RBFOX1: variants seen among roughly 807,000 people sequenced by gnomAD.
The protein encoded by RBFOX1 is RNA binding fox-1 homolog 1.
A neutral mutation model predicts 57.7 loss-of-function variants in RBFOX1; 8 were observed. That is an observed-to-expected ratio of 0.14 (90% CI 0.08 to 0.25). The LOEUF (loss-of-function observed/expected upper bound fraction) is 0.25, where lower values mean the gene tolerates loss of function less well. Ranked by LOEUF, RBFOX1 falls within the 10% of genes least tolerant of loss-of-function variation. RBFOX1 has a pLI of 1.00. For synonymous variants in RBFOX1, 326 were observed against 222.4 expected (o/e 1.47, Z -4.15); for missense variants, 611 against 548.5 (o/e 1.11, Z -1.14).
intron 1 of RBFOX1, among the ~76,000 whole-genome samples, chr16:6,247,763 A>G (rs2097577221): frequency 1.3e-5 from 2 of 152,218 alleles, no homozygotes; most frequent in South Asian, 2.1e-4. Flanking sequence ...GCAAGGCTGA[A>G]TTACTCTACA....
chr16:6,770,634 C>A (rs973533512), intron 3 of RBFOX1, among the ~76,000 whole-genome samples: 1 of 152,024 alleles, frequency 6.6e-6, no homozygotes, highest in African/African-American at 2.4e-5. Context: ...TCAATCTCTA[C>A]TCAGAGGCTG....
rs928455654 is a variant in RBFOX1 at position 6,542,483 on chromosome 16, C to T, written c.-63-112120C>T. On this transcript the variant is annotated intron_variant, in intron 2 of 15. Transcript: ENST00000550418. ...CCACTGCCCTGTGTGGGACCATAGT[C>T]TTTTTTTTTTTTTTTTTTTTTTTTG... Among the ~76,000 whole-genome samples, 175 of 55,724 alleles carry T rather than the reference C, an allele frequency of 3.1e-3. 1 individual carries two copies. The highest frequency in any genetic ancestry group is 4.2e-3 in the South Asian group (4 of 956). The allele number at this position is 55,724 out of a possible 152,430, so 36.6% of individuals were successfully genotyped here. A position where few individuals can be genotyped will look rare whatever the true frequency, so the allele number is the denominator to read the frequency against.
At chr16:5,491,039 T>G (rs2042810903) in intron 2 of RBFOX1, among the ~76,000 whole-genome samples, 1 of 152,202 alleles carries the variant, frequency 6.6e-6, no homozygotes, top group South Asian at 2.1e-4. Flanking sequence ...CGATTTGATC[T>G]GCAATGGCCA....
intron 1 of RBFOX1, among the ~76,000 whole-genome samples, chr16:5,274,861 G>A (rs1233840921): frequency 6.6e-6 from 1 of 152,154 alleles, no homozygotes; most frequent in Non-Finnish European, 1.5e-5. Flanking sequence ...GGGCATGTCA[G>A]GGTCTAGTAG....
At position 6,126,322 on chromosome 16, in the gene RBFOX1, C is replaced by A. The variant is rs544472053; in HGVS notation, c.-127+106330C>A. Among the ~76,000 whole-genome samples, 15 of 152,340 alleles carry A rather than the reference C, an allele frequency of 9.8e-5. No individual in the cohort carries two copies. In the South Asian group the frequency reaches 2.9e-3, roughly 29 times the overall value. ...GTGTTAGCCCTCTCTTACCTTCCTA[C>A]TGGTGCCATGAAATTCACTTTCTGG... On this transcript the variant is annotated intron_variant, in intron 1 of 15. Coordinates refer to ENST00000550418, the MANE Select transcript of RBFOX1 (RefSeq NM_018723.4).
chr16:5,771,096 C>A (rs2053962564), intron 3 of RBFOX1, among the ~76,000 whole-genome samples: 1 of 152,168 alleles, frequency 6.6e-6, no homozygotes, highest in African/African-American at 2.4e-5. Flanking sequence ...GCATTTTAAA[C>A]TGTGTAAAGT....
chr16:5,459,976 C>T (rs1319795088), intron 1 of RBFOX1, among the ~76,000 whole-genome samples: 1 of 152,196 alleles, frequency 6.6e-6, no homozygotes, highest in Admixed American at 6.5e-5. Context: ...GCTGCAAAGA[C>T]ATTCCATGGC....
intron 4 of RBFOX1, among the ~76,000 whole-genome samples, chr16:7,190,101 C>T (rs925995157): frequency 2.6e-5 from 4 of 152,224 alleles, no homozygotes; most frequent in Admixed American, 2.6e-4. Context: ...TGGCTCACTC[C>T]TGTAATCCCA....
chr16:6,082,192 TTTTTTTG>T (rs1409601630), intron 1 of RBFOX1, among the ~76,000 whole-genome samples: 2 of 144,300 alleles, frequency 1.4e-5, no homozygotes, highest in African/African-American at 5.2e-5. Flanking sequence ...TTTTTTTTTT[TTTTTTTG>T]AGATGGATCC....
chr16:6,812,424 A>C (rs565447353), intron 3 of RBFOX1, among the ~76,000 whole-genome samples: 19 of 152,224 alleles, frequency 1.2e-4, no homozygotes, highest in African/African-American at 4.6e-4. Flanking sequence ...CCCAGGCTGG[A>C]GTGCAGTGGC....
intron 1 of RBFOX1, among the ~76,000 whole-genome samples, chr16:6,147,857 C>G (rs1371676008): frequency 6.6e-6 from 1 of 152,182 alleles, no homozygotes; most frequent in African/African-American, 2.4e-5. Flanking sequence ...TTGTATGTTT[C>G]TACCTTCAAA....
chr16:7,095,583 A>T (rs1218481488), intron 4 of RBFOX1, among the ~76,000 whole-genome samples: 12 of 152,168 alleles, frequency 7.9e-5, no homozygotes, highest in Admixed American at 7.9e-4. Context: ...TCACACAAAG[A>T]AGGGTCTGAG....
chr16:6,797,957 G>A (rs2084471588), intron 3 of RBFOX1, among the ~76,000 whole-genome samples: 2 of 152,058 alleles, frequency 1.3e-5, no homozygotes, highest in African/African-American at 4.8e-5. Context: ...TGATGATGAT[G>A]GTGATCACGG....
intron 3 of RBFOX1, among the ~76,000 whole-genome samples, chr16:6,863,456 C>A (rs12185139): frequency 1.3e-5 from 2 of 152,040 alleles, no homozygotes; most frequent in Non-Finnish European, 2.9e-5. Context: ...GTTTTGCCTT[C>A]TGCTACCTCT....
At chr16:6,609,748 GCC>G (rs2098012628) in intron 2 of RBFOX1, among the ~76,000 whole-genome samples, 1 of 152,066 alleles carries the variant, frequency 6.6e-6, no homozygotes, top group South Asian at 2.1e-4. Context: ...GGTGAATCAG[GCC>G]TGTAATGCTA....
intron 1 of RBFOX1, among the ~76,000 whole-genome samples, chr16:6,234,201 C>T (rs1055494569): frequency 2.0e-5 from 3 of 152,208 alleles, no homozygotes; most frequent in East Asian, 1.9e-4. Flanking sequence ...CCCTTCACCA[C>T]GCACTTGTTT....
intron 2 of RBFOX1, among the ~76,000 whole-genome samples, chr16:6,413,504 T>G (rs2093532534): frequency 6.6e-6 from 1 of 152,076 alleles, no homozygotes; most frequent in Non-Finnish European, 1.5e-5. Flanking sequence ...ACAGTGAAAT[T>G]TTTAGTCGGC....
At chr16:6,763,246 A>T (rs1479986676) in intron 3 of RBFOX1, among the ~76,000 whole-genome samples, 1 of 152,226 alleles carries the variant, frequency 6.6e-6, no homozygotes, top group South Asian at 2.1e-4. Context: ...TGAATTAATC[A>T]ATAAATGGTT....
chr16:7,371,681 C>A (rs1276050364), intron 4 of RBFOX1, among the ~76,000 whole-genome samples: 1 of 152,068 alleles, frequency 6.6e-6, no homozygotes, highest in South Asian at 2.1e-4. Flanking sequence ...ACCCATGGGG[C>A]GGAGGTTGCA....
Sources: allele counts gnomAD v4.1 joint callset (sites outside exome capture counted in the v4.1 genomes callset), GRCh38; gene constraint gnomAD v4.1.1; transcripts MANE v1.5; gene names NCBI Gene and HGNC (gene_info 2026-07-23, HGNC 2026-07-21).